The following LIPK variants were observed in gnomAD, a reference collection of about 807,000 sequenced individuals.
LIPK encodes the protein lipase family member K.
LIPK carries 32 observed loss-of-function variants against 48.6 expected under a neutral mutation model. That is an observed-to-expected ratio of 0.66 (90% CI 0.50 to 0.88). The LOEUF (loss-of-function observed/expected upper bound fraction) is 0.88. LIPK is among the 40% of genes least tolerant of loss of function. The pLI, the probability that LIPK is intolerant of heterozygous loss-of-function variation, is 0.00. For missense variants in LIPK, 507 were observed against 478.5 expected, an observed-to-expected ratio of 1.06 and a Z score of -0.56; for synonymous variants, 164 against 157.4, an observed-to-expected ratio of 1.04 and a Z score of -0.32.
intron 1 of LIPK, among the ~76,000 whole-genome samples, chr10:88,722,866 T>C (rs1049382685): frequency 1.4e-5 from 2 of 146,368 alleles, no homozygotes; most frequent in Non-Finnish European, 3.0e-5. Flanking sequence ...CTTTTTTAAA[T>C]TGTTTTTCTT....
intron 7 of LIPK, among the ~76,000 whole-genome samples, chr10:88,738,931 C>T (rs1260171249): frequency 1.3e-5 from 2 of 152,334 alleles, no homozygotes; most frequent in Non-Finnish European, 2.9e-5. Context: ...ATGTCCAGAA[C>T]TCAACCTTTG....
intron 9 of LIPK, among the ~76,000 whole-genome samples, chr10:88,747,733 T>C (rs2604966): frequency 0.24 from 36,459 of 151,894 alleles, 4,537 homozygotes; most frequent in East Asian, 0.37. Flanking sequence ...GAGAGAATGG[T>C]GATTATTAAA....
chr10:88,749,483 G>A (rs528758448), intron 9 of LIPK, among the ~76,000 whole-genome samples: 3 of 152,232 alleles, frequency 2.0e-5, no homozygotes, highest in South Asian at 2.1e-4. Flanking sequence ...TTTGATCTTC[G>A]ACAAAGTTGA....
intron 1 of LIPK, among the ~76,000 whole-genome samples, chr10:88,716,083 A>G (rs1842111726): frequency 6.6e-6 from 1 of 152,106 alleles, no homozygotes; most frequent in Non-Finnish European, 1.5e-5. Context: ...GTAAAAATTA[A>G]TCTTTTGGCA....
intron 9 of LIPK, among the ~76,000 whole-genome samples, chr10:88,751,160 T>A (rs1271032255): frequency 1.3e-5 from 2 of 152,112 alleles, no homozygotes; most frequent in Non-Finnish European, 2.9e-5. Flanking sequence ...TTCGATCTGG[T>A]GTGTCACCAG....
intron 1 of LIPK, among the ~76,000 whole-genome samples, chr10:88,720,432 C>T (rs1842200152): frequency 6.6e-6 from 1 of 151,964 alleles, no homozygotes; most frequent in Non-Finnish European, 1.5e-5. Context: ...AGGTTTAGTA[C>T]CTGGGCAACG....
At chr10:88,725,069 A>G (rs1001638433) in intron 2 of LIPK, among the ~76,000 whole-genome samples, 1 of 152,232 alleles carries the variant, frequency 6.6e-6, no homozygotes, top group Admixed American at 6.5e-5. Context: ...AGGAATTCAT[A>G]TCAGAAGTGG....
At chr10:88,717,601 G>A (rs868740332) in intron 1 of LIPK, among the ~76,000 whole-genome samples, 8 of 152,062 alleles carry the variant, frequency 5.3e-5, no homozygotes, top group Non-Finnish European at 5.9e-5. Context: ...TCCTAATTGT[G>A]CATTGTGATA....
In LIPK at chr10:88,730,970, C is replaced by T. The variant is rs1299691515; in HGVS notation, c.224-13C>T. Reference sequence around the variant, plus strand: ...AGTTCAAATATGAAATTCTTGTTGCCTGTGTTTTGCAGCTCCAAAGCCTGC... The same window carrying T: ...AGTTCAAATATGAAATTCTTGTTGCTTGTGTTTTGCAGCTCCAAAGCCTGC... On this transcript the variant is annotated splice_polypyrimidine_tract_variant and intron_variant, in intron 3 of 9. Transcript: ENST00000404190. 10 of 1,545,980 alleles carry T rather than the reference C, an allele frequency of 6.5e-6. No individual in the cohort carries two copies. Among genetic ancestry groups the T allele is most frequent in the Admixed American group, 4.4e-5 (2 of 45,446 alleles).
At chr10:88,719,125 A>T (rs1842173740) in intron 1 of LIPK, among the ~76,000 whole-genome samples, 1 of 152,218 alleles carries the variant, frequency 6.6e-6, no homozygotes, top group Admixed American at 6.5e-5. Context: ...TAATCACAGA[A>T]GTAGAAGACA....
chr10:88,706,633 C>T (rs1469563678), intron 1 of LIPK, among the ~76,000 whole-genome samples: 2 of 152,152 alleles, frequency 1.3e-5, no homozygotes, highest in Non-Finnish European at 2.9e-5. Context: ...TTTTATGAAC[C>T]TCTCTTTTGA....
At chr10:88,738,965 A>G (rs2790702) in intron 7 of LIPK, among the ~76,000 whole-genome samples, 33,124 of 152,200 alleles carry the variant, frequency 0.22, 3,776 homozygotes, top group East Asian at 0.37. Context: ...TATTCAGTAC[A>G]TTTGGATAGC....
intron 4 of LIPK, 121 bp downstream of exon 4, chr10:88,731,302 C>T (rs568729999): frequency 2.4e-6 from 2 of 823,168 alleles, no homozygotes; most frequent in East Asian, 3.1e-5. Flanking sequence ...AAGAAGGAAA[C>T]AAACCTTTCT....
At position 88,731,047 on chromosome 10, in the gene LIPK, C is replaced by A; in HGVS notation, c.288C>A (p.Asn96Lys). The A allele has an allele frequency of 6.2e-7, 1 of 1,600,084 alleles. No homozygotes were observed. The highest frequency in any genetic ancestry group is 8.5e-7 in the Non-Finnish European group (1 of 1,172,868). ...LIASASNWICNLPNNSLAFLL... is the reference protein window; with the variant it reads ...LIASASNWICKLPNNSLAFLL... ...CATCTGCCAGTAACTGGATTTGCAA[C>A]CTGCCCAACAACAGTTTGGCTTTCC... Residue 96 changes from asparagine to lysine, a missense_variant, in exon 4 of 10, where the codon AAC becomes AAA. Coordinates refer to ENST00000404190, the MANE Select transcript of LIPK (RefSeq NM_001080518.2).
intron 3 of LIPK, among the ~76,000 whole-genome samples, chr10:88,729,252 T>TGGG (rs71022537): frequency 0.014 from 549 of 39,958 alleles, 3 homozygotes; most frequent in East Asian, 0.13. Context: ...GGCTATCTGT[T>TGGG]GGGGGGGGGG....
chr10:88,731,218 T>G (rs1411674708), intron 4 of LIPK, 37 bp downstream of exon 4: 1 of 1,438,534 alleles, frequency 7.0e-7, no homozygotes, highest in South Asian at 1.6e-5. Flanking sequence ...AATGTGTACT[T>G]TCCTCATGCA....
At chr10:88,740,145 C>A in intron 8 of LIPK, 78 bp downstream of exon 8, 1 of 1,034,756 alleles carries the variant, frequency 9.7e-7, no homozygotes, top group Non-Finnish European at 1.4e-6. Flanking sequence ...GAGCTCACTG[C>A]AGGGTTCTGC....
chr10:88,715,990 T>A (rs1472992497), intron 1 of LIPK, among the ~76,000 whole-genome samples: 1 of 152,162 alleles, frequency 6.6e-6, no homozygotes, highest in Non-Finnish European at 1.5e-5. Flanking sequence ...ACTAGTCTTG[T>A]ATGAGTTACA....
chr10:88,708,966 TTTTAA>T (rs1422674337), intron 1 of LIPK, among the ~76,000 whole-genome samples: 1 of 152,188 alleles, frequency 6.6e-6, no homozygotes, highest in Non-Finnish European at 1.5e-5. Context: ...TGATGTGTGA[TTTTAA>T]TTTTTCTTTG....
Sources: allele counts gnomAD v4.1 joint callset (sites outside exome capture counted in the v4.1 genomes callset), GRCh38; gene constraint gnomAD v4.1.1; transcripts MANE v1.5; gene names NCBI Gene and HGNC (gene_info 2026-07-23, HGNC 2026-07-21).